Variants in PRKG1 observed in about 807,000 individuals in gnomAD.
The protein encoded by PRKG1 is cGMP-dependent protein kinase 1.
Under a neutral mutation model 88.1 loss-of-function variants are expected in PRKG1, and 35 were observed. That is an observed-to-expected ratio of 0.40 (90% CI 0.30 to 0.53). PRKG1 has a LOEUF of 0.53. PRKG1 is among the 20% of genes least tolerant of loss of function. PRKG1 has a pLI of 0.59. For synonymous variants in PRKG1, 303 were observed against 292.5 expected (o/e 1.04, Z -0.37); for missense variants, 540 against 839.8 (o/e 0.64, Z 4.41).
At chr10:51,542,153 A>T (rs1384928994) in intron 3 of PRKG1, among the ~76,000 whole-genome samples, 1 of 152,034 alleles carries the variant, frequency 6.6e-6, no homozygotes, top group African/African-American at 2.4e-5. Flanking sequence ...AGCACAGAGC[A>T]TTTTCCCCAC....
Position 51,186,954 on chromosome 10 carries a change from TTATATATA to T in PRKG1, c.478+33646_478+33653del, listed in dbSNP as rs3061211. On this transcript the variant is annotated intron_variant, in intron 2 of 17. Coordinates refer to ENST00000373980, the MANE Select transcript of PRKG1 (RefSeq NM_006258.4). Reference sequence around the variant, plus strand: ...AAAATGAGTTTTGCAAGGCCCTGTGTTATATATATATATATATATATATATATATGTAT... The same window carrying T: ...AAAATGAGTTTTGCAAGGCCCTGTGTTATATATATATATATATATATGTAT... Among the ~76,000 whole-genome samples, 661 of 131,168 alleles carry T rather than the reference TTATATATA, an allele frequency of 5.0e-3. 3 individuals carry two copies. The highest frequency in any genetic ancestry group is 9.6e-3 in the African/African-American group (321 of 33,386). 86.1% of individuals were successfully genotyped at this position (131,168 alleles called of 152,430 possible).
intron 9 of PRKG1, among the ~76,000 whole-genome samples, chr10:52,204,861 G>T (rs369849295): frequency 6.6e-6 from 1 of 152,160 alleles, no homozygotes; most frequent in African/African-American, 2.4e-5. Context: ...GGGAGATAAA[G>T]TCTGGCTGCC....
intron 3 of PRKG1, among the ~76,000 whole-genome samples, chr10:51,547,118 C>A (rs1842460702): frequency 1.3e-5 from 2 of 151,932 alleles, no homozygotes; most frequent in Admixed American, 6.6e-5. Flanking sequence ...TTATATTCAC[C>A]CTAATATATA....
chr10:51,587,139 T>A (rs1236693514), intron 3 of PRKG1, among the ~76,000 whole-genome samples: 3 of 152,112 alleles, frequency 2.0e-5, no homozygotes, highest in Admixed American at 2.0e-4. Context: ...ATCTGAGAAA[T>A]GTAGGAACTG....
chr10:52,285,237 A>G (rs1842091266), intron 14 of PRKG1, among the ~76,000 whole-genome samples: 1 of 152,030 alleles, frequency 6.6e-6, no homozygotes, highest in South Asian at 2.1e-4. Flanking sequence ...TTAGGTTTTG[A>G]TTCAGCTCGT....
At chr10:52,219,628 C>A (rs1286291838) in intron 9 of PRKG1, among the ~76,000 whole-genome samples, 4 of 152,140 alleles carry the variant, frequency 2.6e-5, no homozygotes, top group African/African-American at 9.7e-5. Context: ...AATTAAATAA[C>A]CCCCATACTG....
chr10:51,057,681 G>A (rs1843642669), intron 1 of PRKG1, among the ~76,000 whole-genome samples: 1 of 151,988 alleles, frequency 6.6e-6, no homozygotes, highest in Non-Finnish European at 1.5e-5. Flanking sequence ...AGTTTTATTG[G>A]TGGTGTTGCT....
intron 3 of PRKG1, among the ~76,000 whole-genome samples, chr10:51,524,683 CT>C (rs759187064): frequency 7.2e-5 from 11 of 152,158 alleles, no homozygotes; most frequent in Admixed American, 1.3e-4. Context: ...ATTTCTGCCC[CT>C]GTGTATGTTT....
In PRKG1 at chr10:51,065,690, G is replaced by A. The variant is rs80264510; in HGVS notation, c.266+74046G>A. Among the ~76,000 whole-genome samples, 1,299 of 152,048 alleles carry A rather than the reference G, an allele frequency of 8.5e-3. 64 individuals are homozygous for A. In the East Asian group the frequency reaches 0.14, roughly 17 times the overall value. On this transcript the variant is annotated intron_variant, in intron 1 of 17. Transcript: ENST00000401604. ...TTTGCATTTTAAATAAATAATTGTT[G>A]ACTGTATTTACTCCTACCTTTATTT...
rs1310793191 is a variant in PRKG1, at chr10:52,062,588, A to G, written c.892A>G (p.Thr298Ala). 6.2e-7 allele frequency: 1 copy of G among 1,609,358 alleles called. No homozygotes were observed. Among genetic ancestry groups the G allele is most frequent in the Non-Finnish European group, 8.5e-7 (1 of 1,178,278 alleles). ...SPSEDPVFLR[T>A]LGKGDWFGEK... ...GAGTGAAGACCCAGTCTTTCTTAGA[A>G]CTTTAGGAAAAGGAGACTGGTTTGG... The change falls in exon 7 of 18, where the codon ACT (threonine) becomes GCT (alanine). Residue 298 changes from threonine to alanine, a missense_variant. Physicochemically the swap from Thr to Ala is moderately conservative, Grantham distance 58. Around this residue, in one of 5 missense-constraint regions of PRKG1, gnomAD observed 400 missense variants for 562.7 expected, o/e 0.71. Transcript: ENST00000373980.
intron 3 of PRKG1, among the ~76,000 whole-genome samples, chr10:51,784,672 A>T (rs1056324975): frequency 6.6e-6 from 1 of 152,144 alleles, no homozygotes; most frequent in African/African-American, 2.4e-5. Context: ...AGCTACCCTT[A>T]GTCTACATGC....
intron 2 of PRKG1, among the ~76,000 whole-genome samples, chr10:51,198,597 G>T (rs1218238047): frequency 6.6e-6 from 1 of 152,170 alleles, no homozygotes; most frequent in Non-Finnish European, 1.5e-5. Flanking sequence ...TATGAAAATT[G>T]CATTAAAGCA....
intron 3 of PRKG1, 94 bp downstream of exon 3, chr10:51,467,930 A>G (rs767813000): frequency 2.4e-4 from 247 of 1,035,266 alleles, no homozygotes; most frequent in Middle Eastern, 4.3e-4. Flanking sequence ...TAATCTTTAT[A>G]CTTTTATTTC....
intron 4 of PRKG1, among the ~76,000 whole-genome samples, chr10:51,885,325 C>T (rs1841541248): frequency 6.6e-6 from 1 of 152,136 alleles, no homozygotes; most frequent in Non-Finnish European, 1.5e-5. Flanking sequence ...GTGACTTGCC[C>T]ACTGATCTAT....
chr10:51,674,749 G>A (rs1193997098), intron 3 of PRKG1, among the ~76,000 whole-genome samples: 3 of 152,172 alleles, frequency 2.0e-5, no homozygotes, highest in African/African-American at 7.2e-5. Flanking sequence ...GGATGAACCC[G>A]AGACGTTCTA....
chr10:51,789,832 T>C (rs544277554), intron 3 of PRKG1, among the ~76,000 whole-genome samples: 8 of 150,222 alleles, frequency 5.3e-5, no homozygotes, highest in African/African-American at 1.9e-4. Flanking sequence ...CATTCTCTCT[T>C]TTTTTTTTAG....
chr10:51,076,616 T>A (rs182460684), intron 1 of PRKG1, among the ~76,000 whole-genome samples: 1 of 152,350 alleles, frequency 6.6e-6, no homozygotes, highest in East Asian at 1.9e-4. Flanking sequence ...AGCCAGCTGA[T>A]AACTCCAGTT....
chr10:51,732,317 T>A (rs1184174111), intron 3 of PRKG1, among the ~76,000 whole-genome samples: 1 of 152,220 alleles, frequency 6.6e-6, no homozygotes, highest in Admixed American at 6.5e-5. Context: ...TCACAGGCCC[T>A]GTCTCCACAT....
intron 9 of PRKG1, among the ~76,000 whole-genome samples, chr10:52,198,202 G>C (rs561628090): frequency 6.6e-6 from 1 of 152,254 alleles, no homozygotes; most frequent in South Asian, 2.1e-4. Flanking sequence ...TGTAGTATAT[G>C]GTTTCGAGAA....
Sources: gnomAD v4.1 joint callset for allele counts (sites outside exome capture counted in the v4.1 genomes callset) on GRCh38, gnomAD v4.1.1 for gene constraint, gnomAD v4.1.1 regional missense constraint, MANE v1.5 for transcripts, NCBI Gene and HGNC (gene_info 2026-07-23, HGNC 2026-07-21) for gene names.